ARV1: variants seen among roughly 807,000 people sequenced by gnomAD.
ARV1 encodes protein ARV1.
A neutral mutation model predicts 31.1 loss-of-function variants in ARV1; 26 were observed. That is an observed-to-expected ratio of 0.84 (90% CI 0.61 to 1.16). The LOEUF is 1.16. Ranked by LOEUF, ARV1 falls within the 50% of genes most tolerant of loss-of-function variation. The pLI is 0.00. For missense variants in ARV1, 281 were observed against 324.9 expected, an observed-to-expected ratio of 0.86 and a Z score of 1.04; for synonymous variants, 117 against 123.2, an observed-to-expected ratio of 0.95 and a Z score of 0.34.
At chr1:230,998,132 T>C (rs562462147) in intron 5 of ARV1, among the ~76,000 whole-genome samples, 33 of 152,322 alleles carry the variant, frequency 2.2e-4, no homozygotes, top group South Asian at 1.4e-3. Context: ...GTTTCTGACC[T>C]GTGGGTGTTC....
At chr1:230,980,605 G>T (rs1224648942) in intron 1 of ARV1, among the ~76,000 whole-genome samples, 1 of 151,906 alleles carries the variant, frequency 6.6e-6, no homozygotes, top group Admixed American at 6.6e-5. Flanking sequence ...AAGTGCTGGG[G>T]TTACAGGCAT....
Position 230,990,154 on chromosome 1 carries a change from C to T in ARV1, c.339C>T (p.Tyr113=), listed in dbSNP as rs759454583. ...TATTTTGTTTGCTTTGTGAAGCATA[C>T]CTGAGGTGGTGGCAGCTTCAAGATT... ...LCIFCLLCEA[Y]LRWWQLQDSN... The change falls in exon 3 of 6, where the codon TAC becomes TAT. Residue 113 remains tyrosine (Y), a synonymous_variant. Coordinates refer to ENST00000310256, the MANE Select transcript of ARV1 (RefSeq NM_022786.3). The T allele has an allele frequency of 6.2e-7, 1 of 1,612,656 alleles. No homozygotes were observed. Among genetic ancestry groups the T allele is most frequent in the Non-Finnish European group, 8.5e-7 (1 of 1,179,708 alleles).
intron 5 of ARV1, among the ~76,000 whole-genome samples, chr1:230,999,170 G>T (rs1679457307): frequency 6.6e-6 from 1 of 151,950 alleles, no homozygotes; most frequent in Admixed American, 6.6e-5. Context: ...TCTCTGCCAG[G>T]TCCCCTGCCT....
At chr1:230,987,563 G>A (rs553442666) in intron 1 of ARV1, among the ~76,000 whole-genome samples, 1 of 152,148 alleles carries the variant, frequency 6.6e-6, no homozygotes, top group Non-Finnish European at 1.5e-5. Flanking sequence ...GACCCTTCAG[G>A]GGGGAATAAA....
At chr1:230,994,540 A>ATT (rs34618657) in intron 3 of ARV1, among the ~76,000 whole-genome samples, 3,960 of 134,024 alleles carry the variant, frequency 0.03, 190 homozygotes, top group African/African-American at 0.1. Flanking sequence ...AACCATCCTA[A>ATT]TTTTTTTTTT....
intron 3 of ARV1, among the ~76,000 whole-genome samples, chr1:230,994,414 A>G (rs1679307887): frequency 6.6e-6 from 1 of 152,184 alleles, no homozygotes; most frequent in African/African-American, 2.4e-5. Context: ...ATTTTTATCC[A>G]AAATCCAAGC....
intron 1 of ARV1, chr1:230,979,572 T>C: frequency 2.7e-6 from 1 of 374,240 alleles, no homozygotes; most frequent in Non-Finnish European, 4.8e-6. Context: ...GTTGACATTT[T>C]GGTTCATGCC....
chr1:230,984,361 T>TGTGTGTGTGTGCGC (rs10628275), intron 1 of ARV1, among the ~76,000 whole-genome samples: 8 of 103,400 alleles, frequency 7.7e-5, no homozygotes, highest in African/African-American at 2.3e-4. Context: ...TGTGTGTGTG[T>TGTGTGTGTGTGCGC]GCGTGTGTGT....
chr1:230,997,323 C>T, intron 5 of ARV1, 56 bp downstream of exon 5: 1 of 1,571,340 alleles, frequency 6.4e-7, no homozygotes, highest in Non-Finnish European at 8.7e-7. Flanking sequence ...TCAAATAAGA[C>T]AGATGTCATT....
chr1:230,979,354 C>T (rs1678754004), intron 1 of ARV1, 75 bp downstream of exon 1: 1 of 1,526,034 alleles, frequency 6.6e-7, no homozygotes. Context: ...GGAGCAGGGT[C>T]CTCTGATACA....
chr1:230,995,973 A>T lies in ARV1; in HGVS notation c.662A>T (p.Gln221Leu), dbSNP rs1679352062. The change falls in exon 4 of 6, where the codon CAG becomes CTG. Residue 221 changes from glutamine (Q) to leucine (L), a missense_variant. By Grantham distance (113) the Gln-to-Leu change is moderately radical. Coordinates refer to ENST00000310256, the MANE Select transcript of ARV1 (RefSeq NM_022786.3). ...IKVFVLTSNF[Q>L]AIRVTLNINR... ...GTATTTGTTCTTACATCAAATTTTC[A>T]GGCAATTAGAGGTATGTTTATGTGT... 1 of 1,611,508 alleles carries T rather than the reference A, an allele frequency of 6.2e-7. No homozygotes were observed. The highest frequency in any genetic ancestry group is 1.3e-5 in the African/African-American group (1 of 74,872).
In ARV1 at chr1:230,994,281, A is replaced by T. The variant is rs145014930; in HGVS notation, c.449-1479A>T. The stretch of plus-strand genomic sequence containing the variant: ...TGGCGCAAGAAATCTTTCTGTCTAG[A>T]CTCCTGAGAGATGCTGTAGCTTTGA... On this transcript the variant is annotated intron_variant, in intron 3 of 5. Transcript: ENST00000310256. 1.3e-4 allele frequency among the ~76,000 whole-genome samples: 20 copies of T among 152,166 alleles called. No individual in the cohort carries two copies. In the East Asian group the frequency reaches 3.9e-3, roughly 29 times the overall value.
chr1:230,982,521 C>G (rs537437070), intron 1 of ARV1, among the ~76,000 whole-genome samples: 1 of 152,278 alleles, frequency 6.6e-6, no homozygotes, highest in Non-Finnish European at 1.5e-5. Context: ...TTCACTTACC[C>G]CCTCCCCTTT....
chr1:230,989,085 A>G (rs1679161251), intron 2 of ARV1, among the ~76,000 whole-genome samples: 1 of 152,198 alleles, frequency 6.6e-6, no homozygotes, highest in African/African-American at 2.4e-5. Flanking sequence ...ATACAATAAA[A>G]ATGGATTCAT....
chr1:230,988,959 GT>G (rs1429589565), intron 2 of ARV1, among the ~76,000 whole-genome samples: 2 of 152,042 alleles, frequency 1.3e-5, no homozygotes, highest in Admixed American at 6.6e-5. Flanking sequence ...CTCTTTAATA[GT>G]TTGGGTAGAG....
In ARV1 at chr1:230,979,142, A is replaced by T; in HGVS notation, c.37A>T (p.Lys13Ter). The T allele has an allele frequency of 6.2e-7, 1 of 1,607,286 alleles. No individual in the cohort carries two copies. The highest frequency in any genetic ancestry group is 8.5e-7 in the Non-Finnish European group (1 of 1,178,246). ...CGGGCGGAGCGGCCTGCAGCAGGGG[A>T]AGGGGAACGTGGATGGGGTGGCAGC... The part of the protein sequence containing the change: ...NGGRSGLQQG[K>*]GNVDGVAATP... Residue 13 changes from lysine (K) to a stop codon, truncating the protein, a stop_gained, in exon 1 of 6, where the codon AAG becomes TAG. Transcript: ENST00000310256. LOFTEE classifies it high-confidence loss of function.
intron 1 of ARV1, among the ~76,000 whole-genome samples, chr1:230,983,190 G>A (rs183665699): frequency 2.0e-5 from 3 of 152,164 alleles, no homozygotes; most frequent in East Asian, 1.9e-4. Context: ...CAAGGCAGGC[G>A]GAGCACGAGG....
intron 3 of ARV1, 55 bp downstream of exon 3, chr1:230,990,318 T>C: frequency 6.3e-7 from 1 of 1,587,108 alleles, no homozygotes; most frequent in Non-Finnish European, 8.6e-7. Flanking sequence ...TTAACTAATC[T>C]GGTTAAAACT....
At chr1:230,992,574 G>A (rs944799619) in intron 3 of ARV1, among the ~76,000 whole-genome samples, 5 of 152,196 alleles carry the variant, frequency 3.3e-5, no homozygotes, top group Non-Finnish European at 7.3e-5. Flanking sequence ...GTTAGTCACG[G>A]TTGTAGCTCA....
Sources: allele counts gnomAD v4.1 joint callset (sites outside exome capture counted in the v4.1 genomes callset), GRCh38; gene constraint gnomAD v4.1.1; transcripts MANE v1.5; gene names NCBI Gene and HGNC (gene_info 2026-07-23, HGNC 2026-07-21).